Variants in EPB41L2 observed in about 807,000 individuals in gnomAD.
EPB41L2 encodes band 4.1-like protein 2.
Under a neutral mutation model 113.0 loss-of-function variants are expected in EPB41L2, and 43 were observed. That is an observed-to-expected ratio of 0.38 (90% CI 0.30 to 0.49). EPB41L2 has a LOEUF of 0.49. Ranked by LOEUF, EPB41L2 falls within the 20% of genes least tolerant of loss-of-function variation. EPB41L2 has a pLI of 0.95. For synonymous variants in EPB41L2, 442 were observed against 436.7 expected, an observed-to-expected ratio of 1.01 and a Z score of -0.15; for missense variants, 1,147 against 1,223.4, an observed-to-expected ratio of 0.94 and a Z score of 0.93.
rs1267389575 is a variant in EPB41L2, at chr6:130,901,143, A to C, written c.967T>G (p.Ser323Ala). The C allele has an allele frequency of 1.9e-6, 3 of 1,614,032 alleles. No individual in the cohort carries two copies. Among genetic ancestry groups the C allele is most frequent in the Non-Finnish European group, 2.5e-6 (3 of 1,179,996 alleles). The part of the protein sequence containing the change: ...LCLQLRQDIA[S>A]GRLPCSFVTH... ...ACAAAAGAGCAGGGCAGGCGGCCAG[A>C]GGCAATGTCCTGCCGGAGCTGAAGG... Residue 323 changes from serine (S) to alanine (A), a missense_variant, in exon 7 of 20, where the codon TCT becomes GCT. Physicochemically the swap from Ser to Ala is moderately conservative, Grantham distance 99. Coordinates refer to ENST00000337057, the MANE Select transcript of EPB41L2 (RefSeq NM_001431.4).
chr6:131,028,194 C>T (rs759314039), intron 1 of EPB41L2, among the ~76,000 whole-genome samples: 4 of 152,172 alleles, frequency 2.6e-5, no homozygotes, highest in Admixed American at 2.6e-4. Context: ...TTTTAAAATA[C>T]TATTTCTGGA....
chr6:131,004,575 G>A (rs927527420), intron 1 of EPB41L2, among the ~76,000 whole-genome samples: 9 of 152,130 alleles, frequency 5.9e-5, no homozygotes, highest in Admixed American at 2.6e-4. Context: ...AAGGAGTTCC[G>A]ACTAGCACAC....
At chr6:131,056,976 G>T (rs963200187) in intron 1 of EPB41L2, among the ~76,000 whole-genome samples, 1 of 151,984 alleles carries the variant, frequency 6.6e-6, no homozygotes, top group African/African-American at 2.4e-5. Flanking sequence ...AGGTAAATGG[G>T]GGTCAACTAA....
chr6:131,049,165 C>T (rs978270183), intron 1 of EPB41L2, among the ~76,000 whole-genome samples: 1 of 152,204 alleles, frequency 6.6e-6, no homozygotes, highest in African/African-American at 2.4e-5. Flanking sequence ...CTTTATTTTC[C>T]TCCTGTTTTC....
intron 10 of EPB41L2, among the ~76,000 whole-genome samples, chr6:130,892,499 G>T (rs532297902): frequency 6.9e-6 from 1 of 145,610 alleles, no homozygotes; most frequent in Admixed American, 7.1e-5. Flanking sequence ...AGCTTTATAT[G>T]AGCTGGCTCA....
intron 1 of EPB41L2, among the ~76,000 whole-genome samples, chr6:130,962,083 C>T (rs1368971080): frequency 5.9e-5 from 9 of 152,196 alleles, no homozygotes; most frequent in East Asian, 3.9e-4. Context: ...TTCACCTCCC[C>T]GAAGGGCCTA....
chr6:130,897,734 C>T (rs923053809), intron 8 of EPB41L2, among the ~76,000 whole-genome samples: 5 of 152,116 alleles, frequency 3.3e-5, no homozygotes, highest in Non-Finnish European at 7.4e-5. Flanking sequence ...ATCTGAAAAA[C>T]ACTGGAGTGT....
chr6:130,954,036 C>CTTTTTTTTTTTT (rs1816328530), intron 3 of EPB41L2, among the ~76,000 whole-genome samples: 9 of 45,508 alleles, frequency 2.0e-4, no homozygotes, highest in African/African-American at 4.7e-4. Context: ...TAGTCCTTTT[C>CTTTTTTTTTTTT]TTTCTTTTTT....
intron 3 of EPB41L2, among the ~76,000 whole-genome samples, chr6:130,933,038 AAAC>A (rs1807450534): frequency 1.3e-5 from 2 of 152,256 alleles, no homozygotes; most frequent in Non-Finnish European, 2.9e-5. Context: ...CTTCCTTAGT[AAAC>A]TAGGGCATTT....
chr6:130,860,660 A>G (rs1036128952), intron 18 of EPB41L2, among the ~76,000 whole-genome samples: 2 of 151,604 alleles, frequency 1.3e-5, no homozygotes, highest in Non-Finnish European at 1.5e-5. Context: ...AGCCTCCCGA[A>G]TAGCTGCGAC....
chr6:131,008,648 G>A (rs1230400963), intron 1 of EPB41L2, among the ~76,000 whole-genome samples: 12 of 152,186 alleles, frequency 7.9e-5, no homozygotes, highest in Non-Finnish European at 1.6e-4. Flanking sequence ...GCCGGGAGTG[G>A]GGCTGTACCC....
intron 5 of EPB41L2, among the ~76,000 whole-genome samples, chr6:130,908,478 G>A (rs910887379): frequency 6.6e-6 from 1 of 152,090 alleles, no homozygotes; most frequent in African/African-American, 2.4e-5. Flanking sequence ...AAATGAAGCA[G>A]ACAAAGCAAT....
Position 130,870,109 on chromosome 6 carries a change from CAG to C in EPB41L2, c.2059_2060del (p.Leu687GlufsTer25), listed in dbSNP as rs769440817. 2.2e-5 allele frequency: 35 copies of C among 1,611,126 alleles called. No homozygotes were observed. The highest frequency in any genetic ancestry group is 3.0e-5 in the Non-Finnish European group (35 of 1,178,106). On this transcript the variant is annotated frameshift_variant, in exon 15 of 20. Coordinates refer to ENST00000337057, the MANE Select transcript of EPB41L2 (RefSeq NM_001431.4). LOFTEE classifies it high-confidence loss of function. ...LQTQGSSHET[L>X]NIVEEKKRAE... Reference sequence around the variant, plus strand: ...CCCGCTTCTTCTCCTCCACTATATTCAGAGTCTCATGTGAACTCTGTACAAAA... The same window carrying C: ...CCCGCTTCTTCTCCTCCACTATATTCAGTCTCATGTGAACTCTGTACAAAA...
At chr6:130,888,654 C>T (rs548383162) in intron 11 of EPB41L2, among the ~76,000 whole-genome samples, 3 of 152,230 alleles carry the variant, frequency 2.0e-5, no homozygotes, top group South Asian at 4.2e-4. Flanking sequence ...TGCATTTATT[C>T]GGCACTTGTA....
intron 1 of EPB41L2, among the ~76,000 whole-genome samples, chr6:131,022,439 T>G (rs181720048): frequency 1.3e-3 from 197 of 152,336 alleles, no homozygotes; most frequent in Non-Finnish European, 2.0e-3. Flanking sequence ...ACCAGCTTTA[T>G]ATTCAAATCT....
intron 19 of EPB41L2, among the ~76,000 whole-genome samples, chr6:130,846,134 G>A (rs1253195841): frequency 6.6e-6 from 1 of 152,150 alleles, no homozygotes; most frequent in Non-Finnish European, 1.5e-5. Flanking sequence ...TGGCCACCAT[G>A]AGCTTGATAG....
intron 1 of EPB41L2, among the ~76,000 whole-genome samples, chr6:131,046,741 C>A (rs1795540301): frequency 6.6e-6 from 1 of 152,138 alleles, no homozygotes; most frequent in Admixed American, 6.5e-5. Context: ...GAGGTTATCA[C>A]CTTATCCTCT....
chr6:130,980,567 G>C (rs1779177312), intron 1 of EPB41L2, among the ~76,000 whole-genome samples: 1 of 152,064 alleles, frequency 6.6e-6, no homozygotes, highest in South Asian at 2.1e-4. Flanking sequence ...GATTGGGGGA[G>C]GGGCAGGGGT....
At chr6:131,055,225 A>C (rs1797374082) in intron 1 of EPB41L2, among the ~76,000 whole-genome samples, 1 of 152,106 alleles carries the variant, frequency 6.6e-6, no homozygotes, top group Non-Finnish European at 1.5e-5. Flanking sequence ...CATATAAAGC[A>C]CCCTGGAGAA....
Sources: gnomAD v4.1 joint callset for allele counts (sites outside exome capture counted in the v4.1 genomes callset) on GRCh38, gnomAD v4.1.1 for gene constraint, MANE v1.5 for transcripts, NCBI Gene and HGNC (gene_info 2026-07-23, HGNC 2026-07-21) for gene names.